Variants in TENM4 observed in about 807,000 individuals in gnomAD.
The protein encoded by TENM4 is teneurin-4.
A neutral mutation model predicts 243.3 loss-of-function variants in TENM4; 82 were observed. The observed-to-expected ratio is 0.34, with a 90% CI of 0.28 to 0.40. The LOEUF (loss-of-function observed/expected upper bound fraction) is 0.40, where lower values mean the gene tolerates loss of function less well. TENM4 is among the 10% of genes least tolerant of loss of function. TENM4 has a pLI of 1.00. For missense variants in TENM4, 3,138 were observed against 3,673.3 expected (o/e 0.85, Z 3.77); for synonymous variants, 1,412 against 1,456.3 (o/e 0.97, Z 0.69).
At chr11:79,297,421 C>T (rs1856473909) in intron 2 of TENM4, 67 bp downstream of exon 2, 1 of 152,622 alleles carries the variant, frequency 6.6e-6, no homozygotes, top group Non-Finnish European at 1.5e-5. Flanking sequence ...ATGGGCCTGG[C>T]AGGGGTTAGG....
chr11:78,783,817 G>C (rs914104581), intron 16 of TENM4, among the ~76,000 whole-genome samples: 20 of 152,276 alleles, frequency 1.3e-4, no homozygotes, highest in African/African-American at 4.3e-4. Context: ...TGAGCCAAAG[G>C]CTCCAAAAGA....
intron 6 of TENM4, among the ~76,000 whole-genome samples, chr11:79,034,412 A>G (rs1859323641): frequency 6.6e-6 from 1 of 152,118 alleles, no homozygotes; most frequent in African/African-American, 2.4e-5. Flanking sequence ...TGCCTTATGA[A>G]GGCGCAATCC....
At chr11:78,842,896 A>G (rs1446533182) in intron 12 of TENM4, among the ~76,000 whole-genome samples, 2 of 152,230 alleles carry the variant, frequency 1.3e-5, no homozygotes, top group African/African-American at 4.8e-5. Context: ...TATGTAGGCC[A>G]GGTGTGATGG....
At chr11:78,695,919 T>C (rs1053084514) in intron 28 of TENM4, among the ~76,000 whole-genome samples, 1 of 151,902 alleles carries the variant, frequency 6.6e-6, no homozygotes, top group Admixed American at 6.6e-5. Flanking sequence ...ATCTGTGGTT[T>C]GGTGTCCATT....
At chr11:79,025,377 G>A (rs934184690) in intron 6 of TENM4, among the ~76,000 whole-genome samples, 2 of 152,132 alleles carry the variant, frequency 1.3e-5, no homozygotes, top group African/African-American at 4.8e-5. Context: ...ACGGTTCTGC[G>A]CTTTTTAATA....
intron 1 of TENM4, among the ~76,000 whole-genome samples, chr11:79,316,651 C>G (rs1353365803): frequency 6.6e-6 from 1 of 152,186 alleles, no homozygotes; most frequent in Non-Finnish European, 1.5e-5. Context: ...ATTTCATATA[C>G]TGAGAATTCC....
intron 1 of TENM4, among the ~76,000 whole-genome samples, chr11:79,437,480 G>A (rs1223025012): frequency 6.6e-6 from 1 of 152,108 alleles, no homozygotes; most frequent in Non-Finnish European, 1.5e-5. Flanking sequence ...GGCCTGGAAC[G>A]CGGTCTTCTC....
At chr11:79,245,925 G>C (rs1855505841) in intron 2 of TENM4, among the ~76,000 whole-genome samples, 1 of 100,004 alleles carries the variant, frequency 1.0e-5, no homozygotes, top group Non-Finnish European at 1.8e-5. Flanking sequence ...GAGTGACAGA[G>C]AAAGACTTTG....
Position 78,669,089 on chromosome 11 carries a change from C to T in TENM4, c.7256G>A (p.Arg2419Gln), listed in dbSNP as rs753186879. 6.2e-6 allele frequency: 10 copies of T among 1,613,780 alleles called. No individual in the cohort carries two copies. Among genetic ancestry groups the T allele is most frequent in the African/African-American group, 4.0e-5 (3 of 74,916 alleles). The change falls in exon 32 of 34, where the codon CGA becomes CAA. Residue 2419 changes from arginine to glutamine, a missense_variant. Physicochemically the swap from Arg to Gln is conservative, Grantham distance 43. Coordinates refer to ENST00000278550, the MANE Select transcript of TENM4 (RefSeq NM_001098816.3). The surrounding 1 kb of genome is among the most constrained non-coding windows in gnomAD (Gnocchi z 6.4). Reference sequence around the variant, plus strand: ...GCGTCCGGCCAGCACATCATAATCTCGCCGGCCCATGTGGACAAGCTTGGT... The same window carrying T: ...GCGTCCGGCCAGCACATCATAATCTTGCCGGCCCATGTGGACAAGCTTGGT... ...PLTKLVHMGR[R>Q]DYDVLAGRWT...
intron 3 of TENM4, among the ~76,000 whole-genome samples, chr11:79,214,563 C>A (rs1864013852): frequency 6.6e-6 from 1 of 152,216 alleles, no homozygotes; most frequent in Admixed American, 6.5e-5. Flanking sequence ...TTTGACAAGA[C>A]AATTTCTCTA....
At chr11:79,389,179 A>G (rs1184798285) in intron 1 of TENM4, among the ~76,000 whole-genome samples, 3 of 151,956 alleles carry the variant, frequency 2.0e-5, no homozygotes, top group Non-Finnish European at 2.9e-5. Context: ...TTTGTTTGAG[A>G]AGGTCTCACT....
chr11:78,955,743 C>A (rs182610137), intron 6 of TENM4, among the ~76,000 whole-genome samples: 27 of 152,218 alleles, frequency 1.8e-4, no homozygotes, highest in African/African-American at 6.0e-4. Flanking sequence ...CAGGAAGAAG[C>A]CTTACCTCCT....
intron 12 of TENM4, among the ~76,000 whole-genome samples, chr11:78,835,934 T>C (rs895092361): frequency 2.0e-5 from 3 of 152,328 alleles, no homozygotes; most frequent in South Asian, 4.1e-4. Flanking sequence ...GCAAGGCATA[T>C]AGAAGGTGCA....
chr11:79,108,222 T>G (rs1038460145), intron 4 of TENM4, among the ~76,000 whole-genome samples: 7 of 152,222 alleles, frequency 4.6e-5, no homozygotes, highest in Admixed American at 4.6e-4. Context: ...TTTGCAGATG[T>G]GGTTAATATC....
At chr11:79,348,292 A>G (rs1183810285) in intron 1 of TENM4, among the ~76,000 whole-genome samples, 1 of 152,060 alleles carries the variant, frequency 6.6e-6, no homozygotes, top group Non-Finnish European at 1.5e-5. Context: ...CATGGTGCCC[A>G]ACTGTATGGA....
intron 4 of TENM4, among the ~76,000 whole-genome samples, chr11:79,114,892 A>G (rs1327222115): frequency 2.0e-5 from 3 of 152,204 alleles, no homozygotes; most frequent in African/African-American, 7.2e-5. Context: ...AGGGGTATTC[A>G]GTCTGGGGAT....
intron 6 of TENM4, among the ~76,000 whole-genome samples, chr11:78,926,277 T>A (rs1856549240): frequency 7.0e-6 from 1 of 141,940 alleles, no homozygotes; most frequent in Admixed American, 6.9e-5. Flanking sequence ...AGAACTGACT[T>A]TTTTTTTTTT....
rs1049812755 is a variant in TENM4 at position 79,138,335 on chromosome 11, T to C, written c.-66+10375A>G. 2.3e-4 allele frequency among the ~76,000 whole-genome samples: 29 copies of C among 123,686 alleles called. No individual in the cohort carries two copies. In the Middle Eastern group the frequency reaches 0.011, roughly 48 times the overall value. The allele number at this position is 123,686 out of a possible 152,430, so 81.1% of individuals were successfully genotyped here. A position where few individuals can be genotyped will look rare whatever the true frequency, so the allele number is the denominator to read the frequency against. On this transcript the variant is annotated intron_variant, in intron 4 of 33. Coordinates refer to ENST00000278550, the MANE Select transcript of TENM4 (RefSeq NM_001098816.3). ...TTTATATATATATATATATATTATATATATAATATATAAAAATATATAATA... is the reference window on the plus strand; with the variant it reads ...TTTATATATATATATATATATTATACATATAATATATAAAAATATATAATA...
At chr11:79,326,234 C>T (rs1054506368) in intron 1 of TENM4, among the ~76,000 whole-genome samples, 1 of 152,200 alleles carries the variant, frequency 6.6e-6, no homozygotes, top group African/African-American at 2.4e-5. Context: ...TCGTGGAAGG[C>T]CTTTATCATA....
Sources: allele counts gnomAD v4.1 joint callset (sites outside exome capture counted in the v4.1 genomes callset), GRCh38; gene constraint gnomAD v4.1.1; non-coding constraint Gnocchi (gnomAD v3.1); transcripts MANE v1.5; gene names NCBI Gene and HGNC (gene_info 2026-07-23, HGNC 2026-07-21).